Variants in IL31RA observed in about 807,000 individuals in gnomAD.
The protein encoded by IL31RA is interleukin-31 receptor subunit alpha.
Under a neutral mutation model 83.7 loss-of-function variants are expected in IL31RA, and 66 were observed. That is an observed-to-expected ratio of 0.79 (90% CI 0.65 to 0.97). The LOEUF (loss-of-function observed/expected upper bound fraction) is 0.97. Ranked by LOEUF, IL31RA falls within the 50% of genes least tolerant of loss-of-function variation. The pLI is 0.00. For synonymous variants in IL31RA, 325 were observed against 329.0 expected, an observed-to-expected ratio of 0.99 and a Z score of 0.13; for missense variants, 798 against 919.4, an observed-to-expected ratio of 0.87 and a Z score of 1.71.
intron 4 of IL31RA, among the ~76,000 whole-genome samples, chr5:55,881,009 A>G (rs1314643351): frequency 1.3e-5 from 2 of 152,144 alleles, no homozygotes; most frequent in African/African-American, 4.8e-5. Flanking sequence ...AAGTTTATTA[A>G]AAAGCTTTAG....
rs930778513 is a variant in IL31RA at position 55,856,078 on chromosome 5, G to A, written c.64-3431G>A. The stretch of plus-strand genomic sequence containing the variant: ...TGCCCAGCTAATTTTTGTATTTTTC[G>A]TTCAGATGGGGTTTTGCCATACTGG... On this transcript the variant is annotated intron_variant, in intron 1 of 14. Coordinates refer to ENST00000652347, the MANE Select transcript of IL31RA (RefSeq NM_139017.7). Among the ~76,000 whole-genome samples, 4 of 152,106 alleles carry A rather than the reference G, an allele frequency of 2.6e-5. No individual in the cohort carries two copies. The South Asian group carries it at 6.2e-4, about 24-fold the overall frequency.
chr5:55,844,048 G>A, the IL31RA span, among the ~76,000 whole-genome samples: 2 of 151,982 alleles, frequency 1.3e-5, no homozygotes, highest in Non-Finnish European at 2.9e-5. Context: ...TGGGGTACAT[G>A]TGCCAGTTTG....
At chr5:55,839,853 C>A in the IL31RA span, 2 of 752,804 alleles carry the variant, frequency 2.7e-6, no homozygotes, top group Non-Finnish European at 5.0e-6. Context: ...TCAAGTTCAA[C>A]AAAAGCCTTG....
At position 55,899,909 on chromosome 5, in the gene IL31RA, G is replaced by T. The variant is rs772996276; in HGVS notation, c.853-7G>T. On this transcript the variant is annotated splice_region_variant and splice_polypyrimidine_tract_variant and intron_variant, in intron 7 of 14. Transcript: ENST00000652347. ...TTGGCAATAAATTTTGTTTTCTTTG[G>T]GTTCAGAAGGCAAGAGGAGCCCCAG... 6.2e-7 allele frequency: 1 copy of T among 1,612,186 alleles called. No homozygotes were observed. The highest frequency in any genetic ancestry group is 1.1e-5 in the South Asian group (1 of 91,026).
At chr5:55,908,477 G>A (rs748104941) in intron 11 of IL31RA, 66 bp downstream of exon 11, 2 of 1,614,064 alleles carry the variant, frequency 1.2e-6, no homozygotes, top group Non-Finnish European at 1.7e-6. Context: ...GGATAGACCT[G>A]TTGTAGGCAT....
At chr5:55,849,930 A>G (rs1485444835), upstream of IL31RA, among the ~76,000 whole-genome samples, 1 of 152,216 alleles carries the variant, frequency 6.6e-6, no homozygotes, top group Admixed American at 6.5e-5. Flanking sequence ...GAAACTTGGC[A>G]TGTTGGAAAA....
At position 55,922,388 on chromosome 5, in the gene IL31RA, A is replaced by G. The variant is rs2112616985; in HGVS notation, c.*5268A>G. On this transcript the variant is annotated 3_prime_UTR_variant, in exon 15 of 15. Coordinates refer to ENST00000652347, the MANE Select transcript of IL31RA (RefSeq NM_139017.7). ...GTGAGATACTTGTACTATGCATTTC[A>G]TTTTTAGGACTAGAATTCTGTCTTC... The G allele has an allele frequency of 1.3e-6, 2 of 1,550,204 alleles. No homozygotes were observed. Among genetic ancestry groups the G allele is most frequent in the Non-Finnish European group, 1.7e-6 (2 of 1,146,188 alleles).
chr5:55,895,955 A>G (rs1464460418), intron 6 of IL31RA, among the ~76,000 whole-genome samples: 3 of 152,190 alleles, frequency 2.0e-5, no homozygotes, highest in Admixed American at 2.0e-4. Flanking sequence ...TAGACTTGGT[A>G]TAAATTGTAT....
At chr5:55,863,669 T>C (rs918363254) in intron 2 of IL31RA, among the ~76,000 whole-genome samples, 19 of 152,208 alleles carry the variant, frequency 1.2e-4, no homozygotes, top group African/African-American at 4.1e-4. Flanking sequence ...TGTAAGACTA[T>C]TGTTCTCTCT....
chr5:55,839,907 G>A, the IL31RA span: 1 of 697,400 alleles, frequency 1.4e-6, no homozygotes, highest in Admixed American at 2.0e-5. Flanking sequence ...CGAATACCTT[G>A]AGCCTTATTT....
chr5:55,843,628 T>G, the IL31RA span, among the ~76,000 whole-genome samples: 2 of 152,198 alleles, frequency 1.3e-5, no homozygotes, highest in African/African-American at 2.4e-5. Flanking sequence ...AGTTTTTGCC[T>G]TATGTATTTT....
chr5:55,891,343 A>G (rs1747978098), intron 6 of IL31RA, among the ~76,000 whole-genome samples: 1 of 152,346 alleles, frequency 6.6e-6, no homozygotes, highest in South Asian at 2.1e-4. Flanking sequence ...GTAACAATAC[A>G]AATTTAGTGG....
At chr5:55,884,996 A>G (rs968269748) in intron 5 of IL31RA, among the ~76,000 whole-genome samples, 6 of 152,078 alleles carry the variant, frequency 3.9e-5, no homozygotes, top group Non-Finnish European at 8.8e-5. Flanking sequence ...TTCCTTCTAT[A>G]CCTTTATCTA....
At chr5:55,854,244 T>C (rs910180512) in intron 1 of IL31RA, among the ~76,000 whole-genome samples, 1 of 152,160 alleles carries the variant, frequency 6.6e-6, no homozygotes, top group Non-Finnish European at 1.5e-5. Flanking sequence ...ACAACCCAAA[T>C]GGATTTATAG....
intron 4 of IL31RA, among the ~76,000 whole-genome samples, chr5:55,874,734 C>A (rs2112396274): frequency 6.6e-6 from 1 of 152,140 alleles, no homozygotes; most frequent in Non-Finnish European, 1.5e-5. Flanking sequence ...TAATTGGCAA[C>A]CTTGTTGAAC....
At chr5:55,869,577 G>A (rs561653688) in intron 3 of IL31RA, among the ~76,000 whole-genome samples, 13 of 152,150 alleles carry the variant, frequency 8.5e-5, no homozygotes, top group East Asian at 1.9e-4. Context: ...AGGTTCAAGC[G>A]ATTCTCCTGC....
chr5:55,848,947 A>G (rs1373946844), upstream of IL31RA, among the ~76,000 whole-genome samples: 1 of 152,248 alleles, frequency 6.6e-6, no homozygotes, highest in African/African-American at 2.4e-5. Context: ...TAACCACCCA[A>G]CAAATCACAT....
At chr5:55,910,471 C>T in intron 11 of IL31RA, 61 bp from the exon 12 acceptor site, 1 of 1,602,792 alleles carries the variant, frequency 6.2e-7, no homozygotes, top group Admixed American at 1.7e-5. Flanking sequence ...TTTGGTGCTA[C>T]TGGGACACAA....
At chr5:55,916,393 A>AAT (rs1224466964) in intron 14 of IL31RA, among the ~76,000 whole-genome samples, 1 of 151,084 alleles carries the variant, frequency 6.6e-6, no homozygotes, top group Non-Finnish European at 1.5e-5. Flanking sequence ...AAAAAAAAAA[A>AAT]TTATATACAT....
Sources: gnomAD v4.1 joint callset for allele counts (sites outside exome capture counted in the v4.1 genomes callset) on GRCh38, gnomAD v4.1.1 for gene constraint, MANE v1.5 for transcripts, NCBI Gene and HGNC (gene_info 2026-07-23, HGNC 2026-07-21) for gene names.